Variants in AKAP12 observed in about 807,000 individuals in gnomAD.
AKAP12 encodes A-kinase anchoring protein 12.
A neutral mutation model predicts 79.9 loss-of-function variants in AKAP12; 32 were observed. The ratio of observed to expected loss-of-function variants is 0.40; its 90% CI spans 0.30 to 0.54. The LOEUF is 0.54. Ranked by LOEUF, AKAP12 falls within the 20% of genes least tolerant of loss-of-function variation. The probability of loss-of-function intolerance (pLI) is 0.48; values close to 1 mark genes in which losing one functional copy is unlikely to be tolerated. For synonymous variants in AKAP12, 808 were observed against 857.0 expected, an observed-to-expected ratio of 0.94 and a Z score of 1.00; for missense variants, 2,074 against 2,177.0, an observed-to-expected ratio of 0.95 and a Z score of 0.94.
At chr6:151,264,984 T>G (rs1797522355) in intron 2 of AKAP12, among the ~76,000 whole-genome samples, 2 of 151,856 alleles carry the variant, frequency 1.3e-5, no homozygotes, top group South Asian at 4.2e-4. Flanking sequence ...AACCCTTTCT[T>G]GACAAAAAGA....
chr6:151,325,278 G>T, intron 3 of AKAP12: 1 of 985,428 alleles, frequency 1.0e-6, no homozygotes. Flanking sequence ...GCAGAATGCA[G>T]TCTTTAAAAT....
intron 2 of AKAP12, among the ~76,000 whole-genome samples, chr6:151,241,028 C>T (rs1300031404): frequency 1.3e-5 from 2 of 152,166 alleles, no homozygotes; most frequent in African/African-American, 4.8e-5. Flanking sequence ...CCTTTCTGCG[C>T]ACTCTTCCGG....
At chr6:151,277,593 A>G (rs899497537) in intron 2 of AKAP12, among the ~76,000 whole-genome samples, 5 of 152,200 alleles carry the variant, frequency 3.3e-5, no homozygotes, top group African/African-American at 9.6e-5. Flanking sequence ...TGAGTTAACT[A>G]TTAGGGCTTA....
At chr6:151,323,699 G>A (rs1210681281) in intron 3 of AKAP12, 2 of 985,182 alleles carry the variant, frequency 2.0e-6, no homozygotes, top group African/African-American at 1.7e-5. Context: ...GACATTTTGT[G>A]TGTTTTTCTT....
intron 2 of AKAP12, among the ~76,000 whole-genome samples, chr6:151,276,298 G>C (rs868225872): frequency 3.3e-5 from 5 of 152,224 alleles, no homozygotes; most frequent in Middle Eastern, 3.2e-3. Context: ...AGGTGTCCTG[G>C]TGGTTATAGT....
intron 2 of AKAP12, among the ~76,000 whole-genome samples, chr6:151,264,022 G>C (rs1000071738): frequency 6.6e-6 from 1 of 152,092 alleles, no homozygotes; most frequent in Non-Finnish European, 1.5e-5. Context: ...AATCTACACT[G>C]TCTGTTCTCA....
chr6:151,272,775 A>C (rs1418440109), intron 2 of AKAP12, among the ~76,000 whole-genome samples: 1 of 151,946 alleles, frequency 6.6e-6, no homozygotes, highest in East Asian at 1.9e-4. Context: ...CAAGTGATCC[A>C]CCCGCCTTGG....
chr6:151,326,800 C>CT (rs936866818), intron 3 of AKAP12, among the ~76,000 whole-genome samples: 29 of 123,520 alleles, frequency 2.3e-4, no homozygotes, highest in East Asian at 1.1e-3. Context: ...GCTGCCAAAT[C>CT]TTTTTTTTTG....
intron 2 of AKAP12, among the ~76,000 whole-genome samples, chr6:151,273,216 C>T (rs1776225686): frequency 6.6e-6 from 1 of 152,234 alleles, no homozygotes; most frequent in Non-Finnish European, 1.5e-5. Context: ...CCAGGCTGGA[C>T]ATTCTTAGCA....
chr6:151,332,749 T>C (rs1777707689), intron 3 of AKAP12, among the ~76,000 whole-genome samples: 1 of 151,952 alleles, frequency 6.6e-6, no homozygotes, highest in African/African-American at 2.4e-5. Context: ...CGGAGGTGCC[T>C]GTGAATTCGG....
chr6:151,326,524 A>G (rs1777533014), intron 3 of AKAP12, among the ~76,000 whole-genome samples: 1 of 151,498 alleles, frequency 6.6e-6, no homozygotes, highest in South Asian at 2.1e-4. Flanking sequence ...AGAAAAAAGT[A>G]TGTTTCTTTA....
chr6:151,278,919 G>T (rs1776344168), intron 2 of AKAP12, among the ~76,000 whole-genome samples: 1 of 152,010 alleles, frequency 6.6e-6, no homozygotes, highest in Non-Finnish European at 1.5e-5. Context: ...CGCCTGCCCC[G>T]GCCTCCCAAA....
intron 3 of AKAP12, chr6:151,341,779 C>T (rs1459846722): frequency 4.7e-6 from 6 of 1,286,516 alleles, no homozygotes; most frequent in South Asian, 2.5e-5. Context: ...AGGACCGGCC[C>T]GAGATGGGTG....
At chr6:151,248,094 T>G (rs1219172226) in intron 2 of AKAP12, among the ~76,000 whole-genome samples, 2 of 152,182 alleles carry the variant, frequency 1.3e-5, no homozygotes, top group Non-Finnish European at 1.5e-5. Flanking sequence ...GACCATCTAT[T>G]TGTTATATGC....
chr6:151,280,039 T>TTG (rs1776369475), intron 2 of AKAP12, among the ~76,000 whole-genome samples: 1 of 46,356 alleles, frequency 2.2e-5, no homozygotes, highest in Admixed American at 1.7e-4. Context: ...TCGGTTGTTG[T>TTG]TTTTTTTTTT....
intron 3 of AKAP12, among the ~76,000 whole-genome samples, chr6:151,338,469 T>C (rs11155785): frequency 0.18 from 26,200 of 142,928 alleles, 3,653 homozygotes; most frequent in African/African-American, 0.42. Context: ...TTTTTTTTTT[T>C]CCCCGAGATG....
chr6:151,336,989 C>G (rs1157529210), intron 3 of AKAP12, among the ~76,000 whole-genome samples: 4 of 152,054 alleles, frequency 2.6e-5, no homozygotes, highest in African/African-American at 7.2e-5. Context: ...TTCCCCTCTG[C>G]CTGAATTTTT....
intron 3 of AKAP12, among the ~76,000 whole-genome samples, chr6:151,307,935 G>A (rs552187821): frequency 6.6e-6 from 1 of 152,218 alleles, no homozygotes; most frequent in Admixed American, 6.5e-5. Flanking sequence ...CTTGAGCTCG[G>A]CTTACTGCAA....
At chr6:151,249,708 A>G (rs1040395259) in intron 2 of AKAP12, among the ~76,000 whole-genome samples, 1 of 152,194 alleles carries the variant, frequency 6.6e-6, no homozygotes, top group African/African-American at 2.4e-5. Context: ...TTAAAACTCA[A>G]GTTTCCATAT....
Sources: allele counts gnomAD v4.1 joint callset (sites outside exome capture counted in the v4.1 genomes callset), GRCh38; gene constraint gnomAD v4.1.1; transcripts MANE v1.5; gene names NCBI Gene and HGNC (gene_info 2026-07-23, HGNC 2026-07-21).